The following SNX9 variants were observed in gnomAD, a reference collection of about 807,000 sequenced individuals.
SNX9 encodes the protein sorting nexin-9.
A neutral mutation model predicts 89.4 loss-of-function variants in SNX9; 44 were observed. That is an observed-to-expected ratio of 0.49 (90% CI 0.39 to 0.63). The LOEUF (loss-of-function observed/expected upper bound fraction) is 0.63, where lower values mean the gene tolerates loss of function less well. Ranked by LOEUF, SNX9 falls within the 30% of genes least tolerant of loss-of-function variation. The pLI is 0.00. For missense variants in SNX9, 578 were observed against 736.1 expected, an observed-to-expected ratio of 0.79 and a Z score of 2.49; for synonymous variants, 236 against 247.8, an observed-to-expected ratio of 0.95 and a Z score of 0.45.
rs1196861709 is a variant in SNX9, at chr6:157,932,181, T to G, written c.1289-14T>G. 6 of 1,612,302 alleles carry G rather than the reference T, an allele frequency of 3.7e-6. No individual in the cohort carries two copies. The highest frequency in any genetic ancestry group is 2.7e-5 in the African/African-American group (2 of 75,040). On this transcript the variant is annotated splice_polypyrimidine_tract_variant and intron_variant, in intron 12 of 17. Transcript: ENST00000392185. ...GCTCAGAAGACTAATCGTTTATTCC[T>G]TTTTGTCTTTCAGCATTACCCAAGG...
chr6:157,833,699 G>A (rs1392670927), intron 1 of SNX9, among the ~76,000 whole-genome samples: 2 of 152,146 alleles, frequency 1.3e-5, no homozygotes, highest in Non-Finnish European at 2.9e-5. Context: ...AATTCTTTGT[G>A]GTTAGGCAGG....
At chr6:157,886,926 T>C (rs1317501766) in intron 4 of SNX9, among the ~76,000 whole-genome samples, 2 of 152,168 alleles carry the variant, frequency 1.3e-5, no homozygotes, top group African/African-American at 4.8e-5. Context: ...CTGAGTCTTC[T>C]ACCTCATTAA....
At chr6:157,826,954 A>ATATAATATATAAAATATATTATG in intron 1 of SNX9, among the ~76,000 whole-genome samples, 2 of 81,272 alleles carry the variant, frequency 2.5e-5, no homozygotes, top group African/African-American at 1.3e-4. Flanking sequence ...AATATATTAT[A>ATATAATATATAAAATATATTATG]GTTTATATAA....
intron 9 of SNX9, among the ~76,000 whole-genome samples, chr6:157,916,104 G>A (rs1417225778): frequency 2.0e-5 from 3 of 151,112 alleles, no homozygotes; most frequent in African/African-American, 4.9e-5. Context: ...GCGCTATCTC[G>A]GCTTACTGCA....
intron 4 of SNX9, among the ~76,000 whole-genome samples, chr6:157,887,931 T>A (rs1435393564): frequency 6.6e-6 from 1 of 152,182 alleles, no homozygotes; most frequent in Non-Finnish European, 1.5e-5. Context: ...TCCAGAATGG[T>A]CCTCTTAACA....
At chr6:157,883,170 G>A (rs1414077078) in intron 4 of SNX9, among the ~76,000 whole-genome samples, 2 of 152,138 alleles carry the variant, frequency 1.3e-5, no homozygotes, top group Admixed American at 6.5e-5. Context: ...CTAGTGGAAG[G>A]CTCAGATGAT....
At chr6:157,878,564 C>T (rs962731255) in intron 4 of SNX9, among the ~76,000 whole-genome samples, 4 of 151,802 alleles carry the variant, frequency 2.6e-5, no homozygotes, top group Admixed American at 2.6e-4. Flanking sequence ...TCCTGAGTAG[C>T]TGGGACTACA....
chr6:157,860,539 A>G (rs551380738), intron 1 of SNX9, among the ~76,000 whole-genome samples: 7 of 152,388 alleles, frequency 4.6e-5, no homozygotes, highest in African/African-American at 1.7e-4. Context: ...GTGATGGTAC[A>G]TGTGATATGG....
At chr6:157,888,113 A>T (rs938482377) in intron 4 of SNX9, among the ~76,000 whole-genome samples, 2 of 152,110 alleles carry the variant, frequency 1.3e-5, no homozygotes, top group African/African-American at 4.8e-5. Flanking sequence ...GATTGGTAGG[A>T]CTCACTGTGG....
chr6:157,872,969 C>T (rs762142354), intron 2 of SNX9, 133 bp from the exon 3 acceptor site: 2 of 523,954 alleles, frequency 3.8e-6, no homozygotes. Flanking sequence ...AGATTTTGAA[C>T]GGTGTTCTCT....
intron 4 of SNX9, among the ~76,000 whole-genome samples, chr6:157,895,104 T>C (rs968276153): frequency 1.3e-5 from 2 of 152,236 alleles, no homozygotes; most frequent in Admixed American, 6.5e-5. Flanking sequence ...GGTAAACATA[T>C]GTAACATCCA....
At chr6:157,826,839 T>A (rs1256410613) in intron 1 of SNX9, among the ~76,000 whole-genome samples, 2 of 83,180 alleles carry the variant, frequency 2.4e-5, no homozygotes, top group Non-Finnish European at 4.1e-5. Context: ...TTTATATATA[T>A]ATTATATTTT....
At chr6:157,838,270 C>T (rs751812274) in intron 1 of SNX9, among the ~76,000 whole-genome samples, 1 of 152,048 alleles carries the variant, frequency 6.6e-6, no homozygotes, top group Non-Finnish European at 1.5e-5. Flanking sequence ...ACCTCAGCCT[C>T]CCAAAGTGCT....
chr6:157,921,169 G>C (rs1294187215), intron 9 of SNX9, among the ~76,000 whole-genome samples: 6 of 152,196 alleles, frequency 3.9e-5, no homozygotes, highest in African/African-American at 1.4e-4. Flanking sequence ...TGGCCTGTTA[G>C]CTTATAGGAA....
rs1457531029 is a variant in SNX9 at position 157,823,698 on chromosome 6, G to T, written c.12+252G>T. 6.6e-6 allele frequency among the ~76,000 whole-genome samples: 1 copy of T among 151,938 alleles called. No individual in the cohort carries two copies. Among genetic ancestry groups the T allele is most frequent in the Non-Finnish European group, 1.5e-5 (1 of 67,946 alleles). ...GGGTCTGGGCGCGGGTTGGGACCCC[G>T]GGCGCAGCGAGGTTTGGGAAGTTTG... On this transcript the variant is annotated intron_variant, in intron 1 of 17. Transcript: ENST00000392185. This position sits in a 1 kb window ranked among gnomAD's most constrained non-coding sequence, Gnocchi z 4.6.
Position 157,849,125 on chromosome 6 carries a change from A to G in SNX9, c.13-18422A>G, listed in dbSNP as rs149684099. On this transcript the variant is annotated intron_variant, in intron 1 of 17. Transcript: ENST00000392185. ...CCTTGTCTCAAGAAAAGAAAAGAAA[A>G]TAGTTCAATAAGTCTGGAATTTATC... 3.8e-3 allele frequency among the ~76,000 whole-genome samples: 580 copies of G among 152,346 alleles called. 5 individuals carry two copies. Among genetic ancestry groups the G allele is most frequent in the Middle Eastern group, 0.017 (5 of 294 alleles).
At chr6:157,849,653 G>A (rs1001384010) in intron 1 of SNX9, among the ~76,000 whole-genome samples, 1 of 152,214 alleles carries the variant, frequency 6.6e-6, no homozygotes, top group Admixed American at 6.5e-5. Flanking sequence ...GCAGTATTTA[G>A]AAAGTAGATT....
rs1784087097 is a variant in SNX9, at chr6:157,943,586, A to C, written c.*748A>C. On this transcript the variant is annotated 3_prime_UTR_variant, in exon 18 of 18. Coordinates refer to ENST00000392185, the MANE Select transcript of SNX9 (RefSeq NM_016224.5). Reference sequence around the variant, plus strand: ...GAGGACCAGTGCTTTCTCTCTTTGCACTTCCTTCCTAATCTTGGTTAAGGC... The same window carrying C: ...GAGGACCAGTGCTTTCTCTCTTTGCCCTTCCTTCCTAATCTTGGTTAAGGC... 1 of 152,220 alleles carries C rather than the reference A, an allele frequency of 6.6e-6. No individual in the cohort carries two copies. The highest frequency in any genetic ancestry group is 2.4e-5 in the African/African-American group (1 of 41,442). 9.4% of individuals were successfully genotyped at this position (152,220 alleles called of 1,614,324 possible).
At chr6:157,918,963 A>C (rs1376333931) in intron 9 of SNX9, among the ~76,000 whole-genome samples, 1 of 152,080 alleles carries the variant, frequency 6.6e-6, no homozygotes, top group African/African-American at 2.4e-5. Context: ...TGCTTTCTAC[A>C]GTCTTTTGTC....
Sources: allele counts gnomAD v4.1 joint callset (sites outside exome capture counted in the v4.1 genomes callset), GRCh38; gene constraint gnomAD v4.1.1; non-coding constraint Gnocchi (gnomAD v3.1); transcripts MANE v1.5; gene names NCBI Gene and HGNC (gene_info 2026-07-23, HGNC 2026-07-21).